SLC23A2: variants seen among roughly 807,000 people sequenced by gnomAD.
SLC23A2 encodes the protein Na(+)/L-ascorbic acid transporter 2.
SLC23A2 carries 36 observed loss-of-function variants against 73.3 expected under a neutral mutation model. That is an observed-to-expected ratio of 0.49 (90% CI 0.38 to 0.65). The LOEUF (loss-of-function observed/expected upper bound fraction) is 0.65, where lower values mean the gene tolerates loss of function less well. Among genes scored for constraint, SLC23A2 ranks in the 30% least tolerant of loss-of-function variants. The pLI, the probability that SLC23A2 is intolerant of heterozygous loss-of-function variation, is 0.00. For missense variants in SLC23A2, 507 were observed against 841.6 expected, an observed-to-expected ratio of 0.60 and a Z score of 4.92; for synonymous variants, 343 against 327.3, an observed-to-expected ratio of 1.05 and a Z score of -0.52.
intron 3 of SLC23A2, among the ~76,000 whole-genome samples, chr20:4,931,711 G>A (rs988453056): frequency 6.6e-6 from 1 of 152,174 alleles, no homozygotes; most frequent in African/African-American, 2.4e-5. Context: ...CAAGGCTGCA[G>A]TGAGCTTTAA....
intron 5 of SLC23A2, among the ~76,000 whole-genome samples, chr20:4,901,638 C>A (rs2122871666): frequency 6.6e-6 from 1 of 152,278 alleles, no homozygotes; most frequent in South Asian, 2.1e-4. Flanking sequence ...CCTCCCCTCC[C>A]ACTGGAAGCT....
chr20:4,880,574 A>T (rs111382350), intron 9 of SLC23A2, among the ~76,000 whole-genome samples: 53 of 152,334 alleles, frequency 3.5e-4, no homozygotes, highest in Non-Finnish European at 6.3e-4. Flanking sequence ...GATAAAGCAA[A>T]GGAGAATTCT....
At chr20:4,959,534 G>C (rs2087346667) in intron 2 of SLC23A2, among the ~76,000 whole-genome samples, 1 of 152,096 alleles carries the variant, frequency 6.6e-6, no homozygotes, top group African/African-American at 2.4e-5. Context: ...GTCTCACTCT[G>C]CTACCCAGAC....
chr20:4,928,186 T>C (rs1932733485), intron 3 of SLC23A2, among the ~76,000 whole-genome samples: 1 of 152,114 alleles, frequency 6.6e-6, no homozygotes, highest in Admixed American at 6.5e-5. Flanking sequence ...ACTACAGGCA[T>C]GCACCACCAC....
intron 11 of SLC23A2, among the ~76,000 whole-genome samples, chr20:4,871,193 A>G (rs1600085620): frequency 1.3e-5 from 2 of 152,328 alleles, no homozygotes; most frequent in Non-Finnish European, 2.9e-5. Context: ...GATGGCTAAA[A>G]CATGGTCTCT....
chr20:4,889,589 G>A (rs1297248959), intron 6 of SLC23A2, among the ~76,000 whole-genome samples: 2 of 150,928 alleles, frequency 1.3e-5, no homozygotes, highest in Non-Finnish European at 2.9e-5. Flanking sequence ...TTTGGCATCC[G>A]CTCACATGAC....
At chr20:4,867,941 C>T (rs1224861008) in intron 12 of SLC23A2, 66 bp from the exon 13 acceptor site, 12 of 925,692 alleles carry the variant, frequency 1.3e-5, no homozygotes, top group Non-Finnish European at 2.1e-5. Flanking sequence ...TCTGAAATAG[C>T]CTCTACACAT....
chr20:4,913,535 G>A (rs1932228612), intron 3 of SLC23A2, among the ~76,000 whole-genome samples: 1 of 152,158 alleles, frequency 6.6e-6, no homozygotes, highest in South Asian at 2.1e-4. Context: ...ACAATAATGA[G>A]AACAAAAGCT....
rs145599058 is a variant in SLC23A2, at chr20:4,920,131, C to G, written c.109-7153G>C. Among the ~76,000 whole-genome samples the G allele has an allele frequency of 2.5e-3, 387 of 152,200 alleles. 2 individuals carry two copies. Among genetic ancestry groups the G allele is most frequent in the African/African-American group, 8.6e-3 (357 of 41,518 alleles). On this transcript the variant is annotated intron_variant, in intron 3 of 16. Transcript: ENST00000338244. ...CAAAAGTTAGCTGGGCATGGAGGCTCGCGCCTGTAATCCTAGCTACTTGGG... is the reference window on the plus strand; with the variant it reads ...CAAAAGTTAGCTGGGCATGGAGGCTGGCGCCTGTAATCCTAGCTACTTGGG...
At chr20:4,930,672 A>G (rs1045243741) in intron 3 of SLC23A2, among the ~76,000 whole-genome samples, 3 of 152,200 alleles carry the variant, frequency 2.0e-5, no homozygotes, top group African/African-American at 7.2e-5. Flanking sequence ...TACAAAAATT[A>G]GCTGGGCGTG....
intron 2 of SLC23A2, among the ~76,000 whole-genome samples, chr20:4,952,299 C>T (rs997444758): frequency 2.0e-5 from 3 of 152,020 alleles, no homozygotes; most frequent in African/African-American, 7.2e-5. Context: ...ATGAAAGAAT[C>T]GTAGACACAT....
rs946749520 is a variant in SLC23A2, at chr20:4,883,480, C to T, written c.824+162G>A. On this transcript the variant is annotated intron_variant, in intron 9 of 16. Transcript: ENST00000338244. This position sits in a 1 kb window ranked among gnomAD's most constrained non-coding sequence, Gnocchi z 4.5. The stretch of plus-strand genomic sequence containing the variant: ...CGTCAACTATATGTCACTTCCCAAA[C>T]TCTGGGTCAAAAACCCTTCAACTAT... Among the ~76,000 whole-genome samples the T allele has an allele frequency of 2.0e-5, 3 of 152,226 alleles. No individual in the cohort carries two copies. Among genetic ancestry groups the T allele is most frequent in the African/African-American group, 7.2e-5 (3 of 41,446 alleles).
chr20:4,976,426 A>T (rs938603723), intron 1 of SLC23A2, among the ~76,000 whole-genome samples: 2 of 152,104 alleles, frequency 1.3e-5, no homozygotes, highest in African/African-American at 4.8e-5. Context: ...CTGTAATCCC[A>T]GCACTTTGGA....
chr20:4,876,618 C>T (rs577505971), intron 9 of SLC23A2, among the ~76,000 whole-genome samples: 26 of 152,200 alleles, frequency 1.7e-4, no homozygotes, highest in Admixed American at 2.6e-4. Flanking sequence ...CTGGGTGCTT[C>T]CCACCTCATG....
rs34073337 is a variant in SLC23A2 at position 4,862,824 on chromosome 20, C to G, written c.1440G>C (p.Ala480=). The stretch of plus-strand genomic sequence containing the variant: ...CTCCCAGCACAGGATCCGGAAGGGA[C>G]GCAAAGAGGGCGCTGAACTTCCCGA... ...GMIGKFSALF[A]SLPDPVLGAL... is the part of the protein sequence containing the mutation. Residue 480 remains alanine (A), a synonymous_variant, in exon 14 of 17, where the codon GCG becomes GCC. Coordinates refer to ENST00000338244, the MANE Select transcript of SLC23A2 (RefSeq NM_005116.6). This position sits in a 1 kb window ranked among gnomAD's most constrained non-coding sequence, Gnocchi z 5.1. The G allele has an allele frequency of 2.3e-5, 37 of 1,613,762 alleles. 2 individuals are homozygous for G. In the South Asian group the frequency reaches 4.0e-4, roughly 17 times the overall value.
chr20:4,971,565 T>C (rs948808244), intron 1 of SLC23A2, among the ~76,000 whole-genome samples: 5 of 149,228 alleles, frequency 3.4e-5, no homozygotes, highest in Non-Finnish European at 1.5e-5. Flanking sequence ...GAGGATCACT[T>C]GAGGCCAGGA....
chr20:4,961,540 T>C (rs1051319601), intron 2 of SLC23A2, among the ~76,000 whole-genome samples: 22 of 152,186 alleles, frequency 1.4e-4, no homozygotes, highest in Non-Finnish European at 3.2e-4. Flanking sequence ...TTTGAGATTT[T>C]TTGCGATTTT....
intron 2 of SLC23A2, among the ~76,000 whole-genome samples, chr20:4,935,786 G>A (rs144942799): frequency 0.02 from 3,053 of 151,996 alleles, 98 homozygotes; most frequent in African/African-American, 0.068. Flanking sequence ...GCGACAGAGC[G>A]AGACTCCATC....
At chr20:4,983,699 G>A (rs2087769924) in intron 1 of SLC23A2, among the ~76,000 whole-genome samples, 2 of 148,328 alleles carry the variant, frequency 1.3e-5, no homozygotes, top group Non-Finnish European at 3.0e-5. Flanking sequence ...GCTCACACCT[G>A]TAATCCCAGC....
Sources: gnomAD v4.1 joint callset for allele counts (sites outside exome capture counted in the v4.1 genomes callset) on GRCh38, gnomAD v4.1.1 for gene constraint, Gnocchi (gnomAD v3.1) non-coding constraint, MANE v1.5 for transcripts, NCBI Gene and HGNC (gene_info 2026-07-23, HGNC 2026-07-21) for gene names.